Variants in CASP6 observed in about 807,000 individuals in gnomAD.
CASP6 encodes the protein caspase-6.
CASP6 carries 20 observed loss-of-function variants against 31.8 expected under a neutral mutation model. That is an observed-to-expected ratio of 0.63 (90% CI 0.44 to 0.91). CASP6 has a LOEUF of 0.91. Among genes scored for constraint, CASP6 ranks in the 40% least tolerant of loss-of-function variants. The pLI is 0.00. For missense variants in CASP6, 328 were observed against 361.1 expected (o/e 0.91, Z 0.74); for synonymous variants, 130 against 127.8 (o/e 1.02, Z -0.12).
chr4:109,694,843 T>G (rs4698781), intron 4 of CASP6, 143 bp from the exon 5 acceptor site: 1 of 814,188 alleles, frequency 1.2e-6, no homozygotes. Flanking sequence ...TCTTTTTTGT[T>G]TTTTTGAGAC....
At chr4:109,679,332 C>T in the CASP6 span, among the ~76,000 whole-genome samples, 14 of 152,270 alleles carry the variant, frequency 9.2e-5, no homozygotes, top group East Asian at 2.1e-3. Context: ...GCCGAGATCA[C>T]GCCACTGCAC....
At chr4:109,665,879 AT>A in the CASP6 span, among the ~76,000 whole-genome samples, 1 of 151,924 alleles carries the variant, frequency 6.6e-6, no homozygotes, top group African/African-American at 2.4e-5. Context: ...AAAATAGGAT[AT>A]TTAAGAAAGG....
At chr4:109,684,909 A>T (rs1729802530), downstream of CASP6, 1 of 386,852 alleles carries the variant, frequency 2.6e-6, no homozygotes, top group African/African-American at 2.1e-5. Flanking sequence ...GCCCTCATTT[A>T]TAAAAAAAAC....
At chr4:109,685,317 C>T, downstream of CASP6, 1 of 1,591,820 alleles carries the variant, frequency 6.3e-7, no homozygotes, top group Non-Finnish European at 8.6e-7. Context: ...ATCAAAGCAA[C>T]AGCACTTTGA....
chr4:109,682,014 A>G, the CASP6 span, among the ~76,000 whole-genome samples: 1 of 152,208 alleles, frequency 6.6e-6, no homozygotes, highest in Non-Finnish European at 1.5e-5. Context: ...CTCTCAGGCA[A>G]TAGATGATCG....
chr4:109,702,454 C>T (rs2237056), intron 1 of CASP6, among the ~76,000 whole-genome samples: 95,083 of 151,786 alleles, frequency 0.63, 29,972 homozygotes, highest in African/African-American at 0.68. Context: ...CTCAGCCTCC[C>T]CAGTAGCTTG....
At chr4:109,680,555 C>G in the CASP6 span, among the ~76,000 whole-genome samples, 2 of 145,312 alleles carry the variant, frequency 1.4e-5, no homozygotes, top group Non-Finnish European at 2.9e-5. Flanking sequence ...GTTTTATGTA[C>G]CAATACATTT....
chr4:109,681,083 G>A, the CASP6 span, among the ~76,000 whole-genome samples: 773 of 152,212 alleles, frequency 5.1e-3, 3 homozygotes, highest in African/African-American at 0.018. Context: ...AGCTGGGATG[G>A]ACCCCTGTGA....
chr4:109,703,020 C>G (rs1409251010), intron 1 of CASP6, among the ~76,000 whole-genome samples: 2 of 152,130 alleles, frequency 1.3e-5, no homozygotes, highest in Admixed American at 6.5e-5. Flanking sequence ...GTGGGGACAG[C>G]CTTTTAAGGT....
chr4:109,693,601 A>G (rs907614218), intron 5 of CASP6, among the ~76,000 whole-genome samples: 1 of 151,570 alleles, frequency 6.6e-6, no homozygotes, highest in East Asian at 2.0e-4. Context: ...GTGGGAGAAT[A>G]ATTGAACCTG....
At chr4:109,672,745 G>C in the CASP6 span, among the ~76,000 whole-genome samples, 3 of 152,140 alleles carry the variant, frequency 2.0e-5, no homozygotes, top group South Asian at 6.2e-4. Context: ...GTTAAAAAAA[G>C]TCCTCCAGCT....
At chr4:109,697,549 G>T in intron 3 of CASP6, 73 bp downstream of exon 3, 1 of 1,501,082 alleles carries the variant, frequency 6.7e-7, no homozygotes, top group South Asian at 1.4e-5. Context: ...TTACCAGCAT[G>T]AACCACCACA....
chr4:109,704,418 A>G (rs1009779290), upstream of CASP6, among the ~76,000 whole-genome samples: 1 of 152,248 alleles, frequency 6.6e-6, no homozygotes, highest in African/African-American at 2.4e-5. Flanking sequence ...TATTGCTGAT[A>G]TGGAGAAAGT....
At chr4:109,676,544 T>G in the CASP6 span, among the ~76,000 whole-genome samples, 3 of 152,092 alleles carry the variant, frequency 2.0e-5, no homozygotes, top group Non-Finnish European at 2.9e-5. Flanking sequence ...CAATACAGGC[T>G]TTTTCTAGTC....
intron 5 of CASP6, among the ~76,000 whole-genome samples, chr4:109,692,963 G>A (rs1305670047): frequency 6.6e-6 from 1 of 152,192 alleles, no homozygotes; most frequent in Non-Finnish European, 1.5e-5. Context: ...TTCCCAGTGT[G>A]GGAGGTGAAG....
chr4:109,698,387 C>A, intron 1 of CASP6, 45 bp from the exon 2 acceptor site: 1 of 1,537,644 alleles, frequency 6.5e-7, no homozygotes, highest in Middle Eastern at 1.8e-4. Context: ...TTACTTATGG[C>A]AGTAAAATAT....
At chr4:109,668,706 T>G in the CASP6 span, among the ~76,000 whole-genome samples, 1 of 152,044 alleles carries the variant, frequency 6.6e-6, no homozygotes, top group African/African-American at 2.4e-5. Flanking sequence ...CTGTTTTTTT[T>G]TTTCCTGTTT....
chr4:109,682,389 T>G, the CASP6 span, among the ~76,000 whole-genome samples: 1 of 152,092 alleles, frequency 6.6e-6, no homozygotes, highest in Non-Finnish European at 1.5e-5. Flanking sequence ...TTACTGTGAC[T>G]CTCTTTGTTG....
At chr4:109,692,357 ATCAG>A (rs1274974294) in intron 5 of CASP6, 4 of 152,162 alleles carry the variant, frequency 2.6e-5, no homozygotes, top group African/African-American at 7.2e-5. Context: ...CATTCATTAA[ATCAG>A]TCAGGTGATT....
Sources: allele counts gnomAD v4.1 joint callset (sites outside exome capture counted in the v4.1 genomes callset), GRCh38; gene constraint gnomAD v4.1.1; transcripts MANE v1.5; gene names NCBI Gene and HGNC (gene_info 2026-07-23, HGNC 2026-07-21).